The following SEM1 variants were observed in gnomAD, a reference collection of about 807,000 sequenced individuals.
SEM1 encodes SEM1 26S proteasome subunit.
SEM1 carries 3 observed loss-of-function variants against 12.7 expected under a neutral mutation model. That is an observed-to-expected ratio of 0.24 (90% CI 0.11 to 0.61). SEM1 has a LOEUF of 0.61. Ranked by LOEUF, SEM1 falls within the 20% of genes least tolerant of loss-of-function variation. The probability of loss-of-function intolerance (pLI) is 0.88; values close to 1 mark genes in which losing one functional copy is unlikely to be tolerated. For synonymous variants in SEM1, 30 were observed against 27.8 expected (o/e 1.08, Z -0.25); for missense variants, 59 against 81.3 (o/e 0.73, Z 1.06).
intron 2 of SEM1, among the ~76,000 whole-genome samples, chr7:96,607,398 A>G (rs1223834938): frequency 6.6e-6 from 1 of 152,182 alleles, no homozygotes; most frequent in African/African-American, 2.4e-5. Flanking sequence ...TTTACATTTC[A>G]TTTTGAGAGT....
chr7:96,583,149 C>T (rs1050863615), intron 2 of SEM1, among the ~76,000 whole-genome samples: 3 of 150,796 alleles, frequency 2.0e-5, no homozygotes, highest in African/African-American at 7.3e-5. Flanking sequence ...TTGAATGCGT[C>T]CCAGAGATTC....
chr7:96,558,352 G>A (rs1334766758), intron 2 of SEM1: 1 of 152,274 alleles, frequency 6.6e-6, no homozygotes, highest in Non-Finnish European at 1.5e-5. Context: ...TGTTACACAT[G>A]TGAGAATACA....
downstream of SEM1, chr7:96,672,503 G>A (rs1789344586): frequency 6.6e-6 from 1 of 152,068 alleles, no homozygotes. Context: ...GTGTCTCTAT[G>A]ACTTGGGCAC....
At chr7:96,513,732 G>A (rs1276282119) in intron 2 of SEM1, among the ~76,000 whole-genome samples, 1 of 152,042 alleles carries the variant, frequency 6.6e-6, no homozygotes, top group Non-Finnish European at 1.5e-5. Flanking sequence ...GGGAGGCTGA[G>A]GCAGGAGAAT....
intron 2 of SEM1, among the ~76,000 whole-genome samples, chr7:96,674,900 T>C (rs1265971978): frequency 6.6e-6 from 1 of 152,072 alleles, no homozygotes; most frequent in Non-Finnish European, 1.5e-5. Flanking sequence ...CTCTCTTCTG[T>C]CCTGGAAAGC....
intron 2 of SEM1, among the ~76,000 whole-genome samples, chr7:96,627,099 A>G (rs1388350660): frequency 9.2e-5 from 14 of 152,030 alleles, no homozygotes; most frequent in Non-Finnish European, 2.9e-5. Flanking sequence ...TTTCTGCAGT[A>G]TCAGTTGTAA....
At chr7:96,631,153 A>G (rs1808246730) in intron 2 of SEM1, among the ~76,000 whole-genome samples, 1 of 152,148 alleles carries the variant, frequency 6.6e-6, no homozygotes, top group Non-Finnish European at 1.5e-5. Context: ...ATGTGTCATT[A>G]GGTCACATGC....
At chr7:96,562,605 A>G (rs1350550481) in intron 2 of SEM1, among the ~76,000 whole-genome samples, 1 of 152,202 alleles carries the variant, frequency 6.6e-6, no homozygotes, top group African/African-American at 2.4e-5. Context: ...CCTTGAGCCA[A>G]TATATGAATT....
intron 2 of SEM1, among the ~76,000 whole-genome samples, chr7:96,592,124 G>T (rs1020727196): frequency 6.6e-6 from 1 of 151,928 alleles, no homozygotes; most frequent in Non-Finnish European, 1.5e-5. Flanking sequence ...AAATTACAGG[G>T]GGGAGAAAGA....
At chr7:96,605,724 G>A (rs1807331431) in intron 2 of SEM1, among the ~76,000 whole-genome samples, 1 of 151,758 alleles carries the variant, frequency 6.6e-6, no homozygotes, top group Non-Finnish European at 1.5e-5. Flanking sequence ...TTCTTTGATT[G>A]CCGTACAGTA....
At chr7:96,701,498 C>T (rs1790274495) in intron 1 of SEM1, among the ~76,000 whole-genome samples, 1 of 152,080 alleles carries the variant, frequency 6.6e-6, no homozygotes, top group Non-Finnish European at 1.5e-5. Context: ...GACTCCACAG[C>T]CTCCAGAATG....
At chr7:96,626,414 A>G (rs977004214) in intron 2 of SEM1, among the ~76,000 whole-genome samples, 2 of 152,094 alleles carry the variant, frequency 1.3e-5, no homozygotes, top group Admixed American at 1.3e-4. Context: ...CATTTTCTTT[A>G]TTGATTCATC....
At position 96,541,448 on chromosome 7, in the gene SEM1, T is replaced by G. The variant is rs536693734; in HGVS notation, c.171-34750A>C. On this transcript the variant is annotated intron_variant and NMD_transcript_variant, in intron 2 of 3. Transcript: ENST00000466986. ...TTTAATGGGTTTTTTTTTTTGTTTT[T>G]TTTTTTTTTTTGCTGAATTGTTTAA... is the stretch of plus-strand genomic sequence containing the variant. 2.2e-3 allele frequency among the ~76,000 whole-genome samples: 329 copies of G among 148,964 alleles called. 1 individual carries two copies. The highest frequency in any genetic ancestry group is 4.6e-3 in the African/African-American group (188 of 40,832).
intron 2 of SEM1, among the ~76,000 whole-genome samples, chr7:96,522,891 CAAA>C (rs540895823): frequency 1.4e-4 from 12 of 87,654 alleles, no homozygotes; most frequent in East Asian, 9.5e-4. Context: ...AACTCCATCT[CAAA>C]AAAAAAAAAA....
intron 2 of SEM1, among the ~76,000 whole-genome samples, chr7:96,584,941 A>G (rs1385202012): frequency 2.0e-5 from 3 of 150,480 alleles, no homozygotes; most frequent in African/African-American, 4.9e-5. Context: ...GAGTAATTTG[A>G]TCGTCTGAAG....
At chr7:96,676,034 T>C (rs1001591115) in intron 2 of SEM1, among the ~76,000 whole-genome samples, 7 of 152,218 alleles carry the variant, frequency 4.6e-5, no homozygotes, top group African/African-American at 1.2e-4. Flanking sequence ...ATGTAGGTTG[T>C]ACTCTGTACA....
At chr7:96,593,598 G>A (rs774670885) in intron 2 of SEM1, among the ~76,000 whole-genome samples, 18 of 152,078 alleles carry the variant, frequency 1.2e-4, no homozygotes, top group Non-Finnish European at 2.4e-4. Context: ...AATAGATTAA[G>A]ACCTCCAGAA....
At chr7:96,706,645 G>GTTCATTT (rs1418867012) in intron 1 of SEM1, among the ~76,000 whole-genome samples, 1 of 144,820 alleles carries the variant, frequency 6.9e-6, no homozygotes, top group Non-Finnish European at 1.5e-5. Flanking sequence ...ATGATTAAAT[G>GTTCATTT]AACATCCTAC....
At chr7:96,504,426 A>C (rs1803680515) in intron 3 of SEM1, among the ~76,000 whole-genome samples, 1 of 152,146 alleles carries the variant, frequency 6.6e-6, no homozygotes, top group African/African-American at 2.4e-5. Flanking sequence ...AACATATAAA[A>C]TAGTATAACA....
Sources: allele counts gnomAD v4.1 joint callset (sites outside exome capture counted in the v4.1 genomes callset), GRCh38; gene constraint gnomAD v4.1.1; transcripts MANE v1.5; gene names NCBI Gene and HGNC (gene_info 2026-07-23, HGNC 2026-07-21).